PRKCH: variants seen among roughly 807,000 people sequenced by gnomAD.
PRKCH encodes protein kinase C eta.
Under a neutral mutation model 82.5 loss-of-function variants are expected in PRKCH, and 28 were observed. The observed-to-expected ratio is 0.34, with a 90% CI of 0.25 to 0.47. The LOEUF (loss-of-function observed/expected upper bound fraction) is 0.47. Ranked by LOEUF, PRKCH falls within the 20% of genes least tolerant of loss-of-function variation. The pLI is 1.00. For missense variants in PRKCH, 705 were observed against 881.8 expected, an observed-to-expected ratio of 0.80 and a Z score of 2.54; for synonymous variants, 322 against 327.4, an observed-to-expected ratio of 0.98 and a Z score of 0.18.
intron 1 of PRKCH, among the ~76,000 whole-genome samples, chr14:61,299,480 T>TA (rs1376810028): frequency 1.3e-5 from 2 of 150,824 alleles, no homozygotes; most frequent in Non-Finnish European, 3.0e-5. Context: ...ACTTTCAGGT[T>TA]TTTTCTACTG....
At chr14:61,446,677 A>G (rs565835566) in intron 4 of PRKCH, among the ~76,000 whole-genome samples, 13 of 152,372 alleles carry the variant, frequency 8.5e-5, no homozygotes, top group Non-Finnish European at 1.6e-4. Flanking sequence ...TGACAGCAAT[A>G]ATTGACCTGT....
chr14:61,423,757 G>A (rs751322041), intron 2 of PRKCH, among the ~76,000 whole-genome samples: 1 of 152,166 alleles, frequency 6.6e-6, no homozygotes, highest in South Asian at 2.1e-4. Flanking sequence ...TACAGTTGGG[G>A]ATGTGTGGCA....
chr14:61,390,037 A>G (rs1182787811), intron 1 of PRKCH, among the ~76,000 whole-genome samples: 3 of 152,234 alleles, frequency 2.0e-5, no homozygotes, highest in Non-Finnish European at 4.4e-5. Flanking sequence ...AAATGGAGCC[A>G]TGGGCAGAAT....
chr14:61,383,607 C>T lies in PRKCH; in HGVS notation c.364-7618C>T, dbSNP rs540883481. Among the ~76,000 whole-genome samples the T allele has an allele frequency of 2.6e-5, 4 of 152,164 alleles. No individual in the cohort carries two copies. In the South Asian group the frequency reaches 6.2e-4, roughly 24 times the overall value. ...CTTCTGTGCTCGGTAACCCATCCAACCTGTAGCCCTAGGAGCTCCTCTGGG... is the reference window on the plus strand; with the variant it reads ...CTTCTGTGCTCGGTAACCCATCCAATCTGTAGCCCTAGGAGCTCCTCTGGG... On this transcript the variant is annotated intron_variant, in intron 1 of 13. Transcript: ENST00000332981.
intron 10 of PRKCH, among the ~76,000 whole-genome samples, chr14:61,488,332 C>A (rs905021681): frequency 6.6e-6 from 1 of 152,112 alleles, no homozygotes; most frequent in Non-Finnish European, 1.5e-5. Flanking sequence ...GTCAATCAAT[C>A]AATAAATCAA....
At chr14:61,403,970 T>G (rs191126051) in intron 2 of PRKCH, among the ~76,000 whole-genome samples, 8 of 152,350 alleles carry the variant, frequency 5.3e-5, no homozygotes, top group African/African-American at 1.9e-4. Context: ...ATACTTCCAT[T>G]TTATTTCCAG....
intron 1 of PRKCH, among the ~76,000 whole-genome samples, chr14:61,293,526 G>C (rs1220641893): frequency 1.3e-5 from 2 of 152,180 alleles, no homozygotes; most frequent in African/African-American, 4.8e-5. Context: ...CTTCTGTCCA[G>C]CTTGTACAAA....
intron 1 of PRKCH, among the ~76,000 whole-genome samples, chr14:61,379,221 G>A (rs1000923249): frequency 7.4e-5 from 11 of 148,900 alleles, no homozygotes; most frequent in African/African-American, 2.7e-4. Context: ...CCCTCCCCAG[G>A]TCCACTTGGA....
chr14:61,383,993 G>C (rs558530509), intron 1 of PRKCH, among the ~76,000 whole-genome samples: 2 of 152,248 alleles, frequency 1.3e-5, no homozygotes, highest in South Asian at 4.1e-4. Flanking sequence ...ACCAGCGGAG[G>C]CTTTAGAGGG....
rs1172273146 is a variant in PRKCH, at chr14:61,549,691, C to T, written c.1912C>T (p.Arg638Ter). The T allele has an allele frequency of 5.0e-6, 8 of 1,609,568 alleles. No individual in the cohort carries two copies. The highest frequency in any genetic ancestry group is 1.7e-5 in the Admixed American group (1 of 59,182). Residue 638 changes from arginine (R) to a stop codon, truncating the protein, a stop_gained, in exon 14 of 14, where the codon CGA becomes TGA. Transcript: ENST00000332981. LOFTEE classifies it high-confidence loss of function. Reference sequence around the variant, plus strand: ...TCCCTTTTTTTTTTGGCAGAAATCCCGAGAAGATGTCAGTAATTTTGACCC... The same window carrying T: ...TCCCTTTTTTTTTTGGCAGAAATCCTGAGAAGATGTCAGTAATTTTGACCC... ...EPPFRPRIKSREDVSNFDPDF... is the reference protein window; with the variant it reads ...EPPFRPRIKS
At chr14:61,507,496 G>A (rs1887199733) in intron 10 of PRKCH, among the ~76,000 whole-genome samples, 1 of 152,130 alleles carries the variant, frequency 6.6e-6, no homozygotes, top group South Asian at 2.1e-4. Flanking sequence ...GATCATTGCA[G>A]CGTTATTCAC....
intron 10 of PRKCH, among the ~76,000 whole-genome samples, chr14:61,519,881 A>T (rs1356417815): frequency 6.6e-6 from 1 of 152,140 alleles, no homozygotes; most frequent in Non-Finnish European, 1.5e-5. Flanking sequence ...GGTAAAAAAA[A>T]AAAAAAATGA....
At chr14:61,506,851 G>T (rs893525442) in intron 10 of PRKCH, among the ~76,000 whole-genome samples, 1 of 152,130 alleles carries the variant, frequency 6.6e-6, no homozygotes, top group African/African-American at 2.4e-5. Flanking sequence ...CTTTGAAGGT[G>T]AATGCACATG....
Position 61,280,515 on chromosome 14 carries a change from C to A in PRKCH, c.-19+92847C>A, listed in dbSNP as rs1160202163. On this transcript the variant is annotated intron_variant, in intron 1 of 3. Coordinates refer to the PRKCH transcript ENST00000555185. This position sits in a 1 kb window ranked among gnomAD's most constrained non-coding sequence, Gnocchi z 5.0. ...AGGCCAACGCCAGGCTGCCGTTGAC[C>A]AGCGGCGGGTTGCGGAACTTGACGT... 6.2e-7 allele frequency: 1 copy of A among 1,612,738 alleles called. No individual in the cohort carries two copies. The highest frequency in any genetic ancestry group is 8.5e-7 in the Non-Finnish European group (1 of 1,179,576).
In PRKCH at chr14:61,493,715, T is replaced by C. The variant is rs546755214; in HGVS notation, c.1433+8059T>C. Among the ~76,000 whole-genome samples the C allele has an allele frequency of 1.2e-3, 178 of 151,874 alleles. 4 individuals carry two copies. In the South Asian group the frequency reaches 0.032, roughly 27 times the overall value. ...AGTGGATTTATATTTTACTTTTACG[T>C]GCGGGTGGGGGGCATGGCATGTGTG... On this transcript the variant is annotated intron_variant, in intron 10 of 13. Coordinates refer to ENST00000332981, the MANE Select transcript of PRKCH (RefSeq NM_006255.5).
chr14:61,355,692 T>G (rs2046138660), intron 1 of PRKCH, among the ~76,000 whole-genome samples: 1 of 152,232 alleles, frequency 6.6e-6, no homozygotes, highest in African/African-American at 2.4e-5. Context: ...TTGCCCTGAC[T>G]TTATTGGTTG....
Position 61,389,981 on chromosome 14 carries a change from A to G in PRKCH, c.364-1244A>G, listed in dbSNP as rs546163459. 2.0e-5 allele frequency among the ~76,000 whole-genome samples: 3 copies of G among 152,346 alleles called. No individual in the cohort carries two copies. In the South Asian group the frequency reaches 6.2e-4, roughly 32 times the overall value. On this transcript the variant is annotated intron_variant, in intron 1 of 13. Coordinates refer to ENST00000332981, the MANE Select transcript of PRKCH (RefSeq NM_006255.5). ...GTCTTCCTCTTCAGATGAAAGGTCAAAGGCAGAAATGGAGCCACAGCCAAA... is the reference window on the plus strand; with the variant it reads ...GTCTTCCTCTTCAGATGAAAGGTCAGAGGCAGAAATGGAGCCACAGCCAAA...
chr14:61,246,395 G>T (rs989639433), intron 1 of PRKCH, among the ~76,000 whole-genome samples: 2 of 136,810 alleles, frequency 1.5e-5, no homozygotes, highest in African/African-American at 5.5e-5. Flanking sequence ...GCAACAGAGT[G>T]AGACTCTGTC....
At chr14:61,538,256 T>C (rs1416587630) in intron 12 of PRKCH, among the ~76,000 whole-genome samples, 1 of 152,208 alleles carries the variant, frequency 6.6e-6, no homozygotes, top group Non-Finnish European at 1.5e-5. Context: ...TGGCAGACTG[T>C]TGCCAGGACT....
Sources: gnomAD v4.1 joint callset for allele counts (sites outside exome capture counted in the v4.1 genomes callset) on GRCh38, gnomAD v4.1.1 for gene constraint, Gnocchi (gnomAD v3.1) non-coding constraint, MANE v1.5 for transcripts, NCBI Gene and HGNC (gene_info 2026-07-23, HGNC 2026-07-21) for gene names.